CSMD1: variants seen among roughly 807,000 people sequenced by gnomAD.
CSMD1 encodes the protein CUB and sushi domain-containing protein 1.
CSMD1 carries 213 observed loss-of-function variants against 417.5 expected under a neutral mutation model. The observed-to-expected ratio is 0.51, with a 90% CI of 0.46 to 0.57. CSMD1 has a LOEUF of 0.57. Ranked by LOEUF, CSMD1 falls within the 20% of genes least tolerant of loss-of-function variation. The pLI is 0.00. For missense variants in CSMD1, 6,923 were observed against 4,529.7 expected (o/e 1.53, Z -15.17); for synonymous variants, 2,862 against 1,736.8 (o/e 1.65, Z -16.11).
At chr8:3,757,764 G>A (rs1489733466) in intron 5 of CSMD1, among the ~76,000 whole-genome samples, 1 of 151,876 alleles carries the variant, frequency 6.6e-6, no homozygotes, top group African/African-American at 2.4e-5. Flanking sequence ...CAAGAGAATT[G>A]CTTGAACCTG....
chr8:4,692,583 G>A (rs1806837189), intron 1 of CSMD1, among the ~76,000 whole-genome samples: 1 of 152,150 alleles, frequency 6.6e-6, no homozygotes, highest in South Asian at 2.1e-4. Context: ...CCATGGGTGA[G>A]AGCGTTTCCA....
At chr8:3,757,566 C>T (rs1019657310) in intron 5 of CSMD1, among the ~76,000 whole-genome samples, 9 of 152,200 alleles carry the variant, frequency 5.9e-5, no homozygotes, top group Admixed American at 3.3e-4. Flanking sequence ...ATATATGAAG[C>T]GATTTGTAAA....
intron 25 of CSMD1, among the ~76,000 whole-genome samples, chr8:3,286,674 GT>G (rs1381452336): frequency 1.3e-5 from 2 of 150,846 alleles, no homozygotes; most frequent in Non-Finnish European, 3.0e-5. Flanking sequence ...TGAAGGGGTT[GT>G]TTTTTTCTTG....
At chr8:3,241,338 T>G (rs1346392888) in intron 26 of CSMD1, among the ~76,000 whole-genome samples, 1 of 151,722 alleles carries the variant, frequency 6.6e-6, no homozygotes, top group African/African-American at 2.4e-5. Context: ...AAACAGGTCC[T>G]TGAAAAGAAG....
chr8:4,690,480 T>G (rs2116760242), intron 1 of CSMD1, among the ~76,000 whole-genome samples: 1 of 152,294 alleles, frequency 6.6e-6, no homozygotes, highest in Non-Finnish European at 1.5e-5. Flanking sequence ...TTTTAAAAGT[T>G]TTACTGGGTA....
rs186603394 is a variant in CSMD1 at position 4,141,796 on chromosome 8, C to T, written c.416-109697G>A. Among the ~76,000 whole-genome samples the T allele has an allele frequency of 1.6e-3, 243 of 151,232 alleles. 15 individuals are homozygous for T. The highest frequency in any genetic ancestry group is 5.6e-3 in the African/African-American group (229 of 40,564). On this transcript the variant is annotated intron_variant, in intron 3 of 69. Transcript: ENST00000635120. ...ACAGAAGTGAAACATATTGTGAACT[C>T]TATTTTACAATGACTAACTGAACAT...
At chr8:4,345,418 T>C (rs930569940) in intron 3 of CSMD1, among the ~76,000 whole-genome samples, 1 of 152,090 alleles carries the variant, frequency 6.6e-6, no homozygotes, top group Non-Finnish European at 1.5e-5. Flanking sequence ...ATACAATGTA[T>C]AGTGATCAAA....
intron 10 of CSMD1, among the ~76,000 whole-genome samples, chr8:3,565,170 CAAGAAAGA>C (rs71203446): frequency 2.3e-5 from 2 of 86,290 alleles, no homozygotes; most frequent in Non-Finnish European, 4.5e-5. Context: ...AGAGAGAGAT[CAAGAAAGA>C]AAGAAAGATA....
intron 2 of CSMD1, among the ~76,000 whole-genome samples, chr8:4,487,760 T>A (rs1457937018): frequency 6.6e-6 from 1 of 152,206 alleles, no homozygotes; most frequent in Admixed American, 6.5e-5. Context: ...ACTGCCTTAA[T>A]CGTCTAAAGA....
rs531974970 is a variant in CSMD1, at chr8:3,744,221, C to T, written c.931+9709G>A. ...GAGGACAGGGATGACGTGTTCAAGCCGCAGCAGGTGTGTGCAACAGGAGCA... is the reference window on the plus strand; with the variant it reads ...GAGGACAGGGATGACGTGTTCAAGCTGCAGCAGGTGTGTGCAACAGGAGCA... On this transcript the variant is annotated intron_variant, in intron 6 of 69. Coordinates refer to ENST00000635120, the MANE Select transcript of CSMD1 (RefSeq NM_033225.6). Among the ~76,000 whole-genome samples the T allele has an allele frequency of 1.7e-3, 265 of 152,226 alleles. 3 individuals carry two copies. The highest frequency in any genetic ancestry group is 8.9e-3 in the South Asian group (43 of 4,808).
At chr8:3,751,037 A>C (rs966637550) in intron 6 of CSMD1, among the ~76,000 whole-genome samples, 1 of 152,040 alleles carries the variant, frequency 6.6e-6, no homozygotes, top group Non-Finnish European at 1.5e-5. Flanking sequence ...CTAGTACTGA[A>C]CCTAACCTTC....
chr8:4,092,933 C>A (rs1176091538), intron 3 of CSMD1, among the ~76,000 whole-genome samples: 1 of 151,902 alleles, frequency 6.6e-6, no homozygotes, highest in African/African-American at 2.4e-5. Context: ...TCTCTGAATC[C>A]TTTATTACTC....
At chr8:4,090,962 A>G (rs1563111219) in intron 3 of CSMD1, among the ~76,000 whole-genome samples, 1 of 150,032 alleles carries the variant, frequency 6.7e-6, no homozygotes, top group Non-Finnish European at 1.5e-5. Flanking sequence ...TCTGTCACCC[A>G]GGCTGGAGTG....
chr8:4,312,927 T>A (rs553159560), intron 3 of CSMD1, among the ~76,000 whole-genome samples: 1 of 152,170 alleles, frequency 6.6e-6, no homozygotes, highest in African/African-American at 2.4e-5. Context: ...CTGATTGGCA[T>A]AAATAATTTG....
At chr8:4,545,461 C>T (rs1027306989) in intron 2 of CSMD1, among the ~76,000 whole-genome samples, 3 of 152,108 alleles carry the variant, frequency 2.0e-5, no homozygotes, top group Admixed American at 6.6e-5. Context: ...AGGAAGGGCT[C>T]GTTTACCTAC....
At chr8:3,425,630 G>C (rs1290024426) in intron 12 of CSMD1, among the ~76,000 whole-genome samples, 1 of 149,140 alleles carries the variant, frequency 6.7e-6, no homozygotes, top group East Asian at 2.0e-4. Context: ...GAAAAAAAAG[G>C]AAATGCCCTG....
chr8:3,527,440 A>C (rs1366881165), intron 10 of CSMD1, among the ~76,000 whole-genome samples: 1 of 152,188 alleles, frequency 6.6e-6, no homozygotes, highest in Non-Finnish European at 1.5e-5. Context: ...AGGTTGCTAA[A>C]GATTACAGTC....
At chr8:4,148,351 C>T (rs1484353870) in intron 3 of CSMD1, among the ~76,000 whole-genome samples, 4 of 125,180 alleles carry the variant, frequency 3.2e-5, no homozygotes, top group Non-Finnish European at 4.7e-5. Flanking sequence ...GGAAACATCA[C>T]ACACCGGTGC....
Position 3,115,443 on chromosome 8 carries a change from C to A in CSMD1, c.6430+2956G>T, listed in dbSNP as rs113324461. Among the ~76,000 whole-genome samples, 1,191 of 152,278 alleles carry A rather than the reference C, an allele frequency of 7.8e-3. 7 individuals carry two copies. The highest frequency in any genetic ancestry group is 0.014 in the Non-Finnish European group (962 of 68,020). ...TCTCAAACTCCTGACCTCAGGTGATCCACCCACCTCGGTCTCCCAAAGTGT... is the reference window on the plus strand; with the variant it reads ...TCTCAAACTCCTGACCTCAGGTGATACACCCACCTCGGTCTCCCAAAGTGT... On this transcript the variant is annotated intron_variant, in intron 42 of 69. Coordinates refer to ENST00000635120, the MANE Select transcript of CSMD1 (RefSeq NM_033225.6).
Sources: allele counts gnomAD v4.1 joint callset (sites outside exome capture counted in the v4.1 genomes callset), GRCh38; gene constraint gnomAD v4.1.1; transcripts MANE v1.5; gene names NCBI Gene and HGNC (gene_info 2026-07-23, HGNC 2026-07-21).